The following TLE2 variants were observed in gnomAD, a reference collection of about 807,000 sequenced individuals.
The protein encoded by TLE2 is TLE family member 2, transcriptional corepressor, also known as transducin-like enhancer protein 2.
Under a neutral mutation model 97.2 loss-of-function variants are expected in TLE2, and 74 were observed. The ratio of observed to expected loss-of-function variants is 0.76; its 90% CI spans 0.63 to 0.92. TLE2 has a LOEUF of 0.92. Among genes scored for constraint, TLE2 ranks in the 40% least tolerant of loss-of-function variants. The probability of loss-of-function intolerance (pLI) is 0.00; values close to 1 mark genes in which losing one functional copy is unlikely to be tolerated. For missense variants in TLE2, 1,038 were observed against 1,008.7 expected (o/e 1.03, Z -0.39); for synonymous variants, 499 against 432.1 (o/e 1.15, Z -1.92).
At chr19:3,016,419 CAAA>C (rs34669546) in intron 8 of TLE2, among the ~76,000 whole-genome samples, 152 of 91,542 alleles carry the variant, frequency 1.7e-3, no homozygotes, top group Middle Eastern at 6.6e-3. Context: ...ACTAAAAATA[CAAA>C]AAAAAAAAAA....
intron 5 of TLE2, 34 bp downstream of exon 5, chr19:3,024,986 T>G: frequency 1.4e-5 from 20 of 1,475,074 alleles, no homozygotes; most frequent in Non-Finnish European, 1.8e-5. Context: ...TCCGGCTCCC[T>G]TCCCCTCCTC....
At chr19:3,016,930 C>T (rs1054356096) in intron 8 of TLE2, among the ~76,000 whole-genome samples, 1 of 151,448 alleles carries the variant, frequency 6.6e-6, no homozygotes, top group Admixed American at 6.6e-5. Flanking sequence ...AGGCGCCCAC[C>T]ACCACACCCA....
intron 13 of TLE2, 73 bp from the exon 14 acceptor site, chr19:3,009,018 T>C: frequency 8.1e-7 from 1 of 1,227,020 alleles, no homozygotes; most frequent in Non-Finnish European, 1.1e-6. Context: ...CACGCCCACC[T>C]GCCATACCCC....
chr19:3,022,785 T>A (rs907681677), intron 5 of TLE2, among the ~76,000 whole-genome samples: 1 of 151,862 alleles, frequency 6.6e-6, no homozygotes, highest in African/African-American at 2.4e-5. Flanking sequence ...TGTGGGTGTG[T>A]GTAGGATGGG....
rs1323108598 is a variant in TLE2 at position 3,014,518 on chromosome 19, AC to A, written c.723+51del. The A allele has an allele frequency of 8.2e-6, 12 of 1,469,648 alleles. No individual in the cohort carries two copies. The East Asian group carries it at 3.2e-4, about 39-fold the overall frequency. The allele number at this position is 1,469,648 out of a possible 1,614,324, so 91.0% of individuals were successfully genotyped here. On this transcript the variant is annotated intron_variant, in intron 10 of 19. Transcript: ENST00000262953. ...TGGGTCCTCCCAGTCCAGAAAACCC[AC>A]CCCTTGCTCTGTGCCCAGAGTCGGG...
At chr19:3,024,505 C>G (rs1478705179) in intron 5 of TLE2, among the ~76,000 whole-genome samples, 1 of 152,026 alleles carries the variant, frequency 6.6e-6, no homozygotes, top group Non-Finnish European at 1.5e-5. Context: ...CTCAGTGAAC[C>G]TGACGACCCT....
At chr19:3,046,329 A>G (rs536450968), upstream of TLE2, among the ~76,000 whole-genome samples, 42 of 152,352 alleles carry the variant, frequency 2.8e-4, no homozygotes, top group South Asian at 1.7e-3. Context: ...AGCTGCAGAC[A>G]ATTCAGCCAG....
rs796979171 is a variant in TLE2, at chr19:3,006,239, G to A, written c.1500+181C>T. 177 of 1,006,600 alleles carry A rather than the reference G, an allele frequency of 1.8e-4. No homozygotes were observed. The African/African-American group carries it at 5.6e-3, about 32-fold the overall frequency. The allele number at this position is 1,006,600 out of a possible 1,614,324, so 62.4% of individuals were successfully genotyped here. On this transcript the variant is annotated intron_variant, in intron 15 of 19. Transcript: ENST00000262953. ...TTGCAAGTCCAATTCAGATTGGCCA[G>A]AGCCCCACCCCTTTGGCCTGCAAGC...
chr19:3,003,408 C>T (rs914331086), intron 17 of TLE2, among the ~76,000 whole-genome samples: 18 of 152,072 alleles, frequency 1.2e-4, no homozygotes, highest in Non-Finnish European at 2.2e-4. Context: ...GAGGCCGAGG[C>T]GGGCGGATCA....
chr19:3,041,013 A>ATATTTTTTT (rs1555695656), intron 1 of TLE2, among the ~76,000 whole-genome samples: 1 of 28,976 alleles, frequency 3.5e-5, no homozygotes, highest in Non-Finnish European at 5.7e-5. Context: ...ATATATATAT[A>ATATTTTTTT]TTTTTTTTTT....
intron 4 of TLE2, among the ~76,000 whole-genome samples, chr19:3,026,252 G>A (rs1430356531): frequency 6.6e-6 from 1 of 151,968 alleles, no homozygotes; most frequent in Non-Finnish European, 1.5e-5. Flanking sequence ...TTCAAGACCA[G>A]CCTGGCCAAC....
chr19:3,021,319 C>T (rs2145187732), intron 5 of TLE2, among the ~76,000 whole-genome samples: 1 of 151,288 alleles, frequency 6.6e-6, no homozygotes, highest in Non-Finnish European at 1.5e-5. Flanking sequence ...GCAGGAGAAA[C>T]ACTTGAACCC....
chr19:2,998,459 G>T (rs1456510123), intron 19 of TLE2, among the ~76,000 whole-genome samples: 1 of 144,512 alleles, frequency 6.9e-6, no homozygotes, highest in Admixed American at 7.3e-5. Flanking sequence ...TGTATTTTTA[G>T]AAGAGGCAGG....
At chr19:3,006,765 C>G in intron 14 of TLE2, 96 bp from the exon 15 acceptor site, 1 of 1,454,630 alleles carries the variant, frequency 6.9e-7, no homozygotes, top group Non-Finnish European at 9.1e-7. Context: ...TGCCTGGCAC[C>G]CTCTGATGTG....
chr19:3,030,093 G>A (rs1228437439), upstream of TLE2, among the ~76,000 whole-genome samples: 3 of 152,136 alleles, frequency 2.0e-5, no homozygotes, highest in Non-Finnish European at 2.9e-5. Context: ...GGGAGCCACC[G>A]CACTGGGCAC....
At chr19:3,016,449 G>A (rs1411110877) in intron 8 of TLE2, among the ~76,000 whole-genome samples, 2 of 148,174 alleles carry the variant, frequency 1.3e-5, no homozygotes, top group Admixed American at 6.7e-5. Context: ...AATTAGCCGG[G>A]CATGGTGGCG....
intron 8 of TLE2, among the ~76,000 whole-genome samples, chr19:3,016,745 C>A (rs2089715505): frequency 6.6e-6 from 1 of 152,022 alleles, no homozygotes; most frequent in Non-Finnish European, 1.5e-5. Context: ...GTCATGCATT[C>A]ATTTATTTAA....
At chr19:3,007,428 T>G (rs1046382758) in intron 14 of TLE2, among the ~76,000 whole-genome samples, 1 of 152,094 alleles carries the variant, frequency 6.6e-6, no homozygotes, top group African/African-American at 2.4e-5. Flanking sequence ...CTGTTATTAT[T>G]TTGTAGAGAT....
intron 5 of TLE2, among the ~76,000 whole-genome samples, chr19:3,022,052 C>T (rs938285109): frequency 6.6e-6 from 1 of 151,286 alleles, no homozygotes; most frequent in Non-Finnish European, 1.5e-5. Flanking sequence ...TTACATTATA[C>T]ATATATACTT....
Sources: gnomAD v4.1 joint callset for allele counts (sites outside exome capture counted in the v4.1 genomes callset) on GRCh38, gnomAD v4.1.1 for gene constraint, MANE v1.5 for transcripts, NCBI Gene and HGNC (gene_info 2026-07-23, HGNC 2026-07-21) for gene names.